Variants in RIN2 observed in about 807,000 individuals in gnomAD.
RIN2 encodes the protein RAB5 interacting protein 2.
In RIN2, 36 loss-of-function variants were observed where a neutral mutation model predicts 78.0. The observed-to-expected ratio is 0.46, with a 90% confidence interval of 0.35 to 0.61. RIN2 has a LOEUF of 0.61. Ranked by LOEUF, RIN2 falls within the 20% of genes least tolerant of loss-of-function variation. The pLI is 0.00. For missense variants in RIN2, 1,087 were observed against 1,159.7 expected, an observed-to-expected ratio of 0.94 and a Z score of 0.91; for synonymous variants, 466 against 466.8, an observed-to-expected ratio of 1.00 and a Z score of 0.02.
At chr20:19,929,651 C>G (rs1473099585) in intron 3 of RIN2, among the ~76,000 whole-genome samples, 1 of 152,146 alleles carries the variant, frequency 6.6e-6, no homozygotes, top group Non-Finnish European at 1.5e-5. Flanking sequence ...CATGAGCCAC[C>G]ACACTGGGCC....
chr20:19,854,959 A>C (rs531878878), intron 2 of RIN2, among the ~76,000 whole-genome samples: 23 of 152,264 alleles, frequency 1.5e-4, no homozygotes, highest in African/African-American at 5.3e-4. Context: ...GTCTTGTGCC[A>C]GTTTTCAAAG....
At chr20:19,877,069 A>G (rs2037880827) in intron 2 of RIN2, among the ~76,000 whole-genome samples, 1 of 152,148 alleles carries the variant, frequency 6.6e-6, no homozygotes, top group Non-Finnish European at 1.5e-5. Flanking sequence ...AAAAGCACTT[A>G]CAGCCTTCTG....
At chr20:19,985,875 C>G (rs1474328687) in intron 9 of RIN2, among the ~76,000 whole-genome samples, 1 of 152,194 alleles carries the variant, frequency 6.6e-6, no homozygotes, top group African/African-American at 2.4e-5. Flanking sequence ...AGTCCTGGCT[C>G]TCCCTCTTGA....
intron 2 of RIN2, among the ~76,000 whole-genome samples, chr20:19,851,737 G>C (rs1453798731): frequency 6.6e-6 from 1 of 152,130 alleles, no homozygotes; most frequent in African/African-American, 2.4e-5. Context: ...GCTCCCAAGA[G>C]CTCTAGCGGG....
intron 2 of RIN2, among the ~76,000 whole-genome samples, chr20:19,801,967 A>G (rs1449844859): frequency 6.6e-6 from 1 of 152,224 alleles, no homozygotes; most frequent in Non-Finnish European, 1.5e-5. Context: ...AATAACTTCA[A>G]TAAAATGCAG....
At chr20:19,814,056 C>T (rs4814902) in intron 2 of RIN2, among the ~76,000 whole-genome samples, 42,756 of 152,060 alleles carry the variant, frequency 0.28, 6,131 homozygotes, top group South Asian at 0.39. Context: ...AGTCGTATCA[C>T]GTGCAAGAAA....
At chr20:19,832,576 G>T (rs1012302234) in intron 2 of RIN2, among the ~76,000 whole-genome samples, 1 of 151,694 alleles carries the variant, frequency 6.6e-6, no homozygotes, top group African/African-American at 2.4e-5. Context: ...TCACCCCGGG[G>T]CCAGGTACCA....
At chr20:19,930,696 C>T (rs6132247) in intron 3 of RIN2, among the ~76,000 whole-genome samples, 102,443 of 152,008 alleles carry the variant, frequency 0.67, 36,748 homozygotes, top group East Asian at 0.98. Context: ...GCCACAGCCA[C>T]GGTCCAGAAT....
At chr20:19,936,962 T>C (rs1266462343) in intron 4 of RIN2, among the ~76,000 whole-genome samples, 1 of 152,240 alleles carries the variant, frequency 6.6e-6, no homozygotes, top group Non-Finnish European at 1.5e-5. Context: ...ACTGTTCATA[T>C]TAAACTACTG....
At chr20:19,993,370 T>C (rs1451080314) in intron 11 of RIN2, among the ~76,000 whole-genome samples, 1 of 151,910 alleles carries the variant, frequency 6.6e-6, no homozygotes, top group Non-Finnish European at 1.5e-5. Context: ...GCATTTTCCC[T>C]GGAGGGAATG....
intron 2 of RIN2, among the ~76,000 whole-genome samples, chr20:19,853,088 T>C (rs2037044164): frequency 7.0e-6 from 1 of 142,322 alleles, no homozygotes; most frequent in Non-Finnish European, 1.5e-5. Context: ...TGTGTCCATG[T>C]GTTCTCATTG....
At chr20:19,911,942 G>A (rs2039488822) in intron 3 of RIN2, among the ~76,000 whole-genome samples, 1 of 149,822 alleles carries the variant, frequency 6.7e-6, no homozygotes, top group Non-Finnish European at 1.5e-5. Flanking sequence ...GCCAGCCATG[G>A]CTATGGGTCC....
chr20:19,893,635 T>A (rs183720853), intron 3 of RIN2, among the ~76,000 whole-genome samples: 121 of 152,308 alleles, frequency 7.9e-4, no homozygotes, highest in Non-Finnish European at 1.4e-3. Flanking sequence ...ATCACTGAGA[T>A]GCCCTGTGGT....
intron 3 of RIN2, among the ~76,000 whole-genome samples, chr20:19,930,100 G>T (rs998582617): frequency 6.6e-6 from 1 of 151,992 alleles, no homozygotes; most frequent in East Asian, 1.9e-4. Flanking sequence ...GCTGGGGCTG[G>T]GGGGGATGCG....
At chr20:19,783,908 C>A (rs1023983301) in intron 1 of RIN2, among the ~76,000 whole-genome samples, 1 of 152,124 alleles carries the variant, frequency 6.6e-6, no homozygotes, top group African/African-American at 2.4e-5. Context: ...GCCAGAGGAA[C>A]CCTCAGGCAA....
At chr20:19,996,909 A>G (rs2042986637) in intron 12 of RIN2, 67 bp downstream of exon 12, 1 of 1,462,490 alleles carries the variant, frequency 6.8e-7, no homozygotes, top group South Asian at 1.4e-5. Flanking sequence ...CACCCAGCAC[A>G]TCCCAGCTCA....
At chr20:19,761,546 T>C (rs566426794) in intron 1 of RIN2, among the ~76,000 whole-genome samples, 1 of 152,328 alleles carries the variant, frequency 6.6e-6, no homozygotes, top group African/African-American at 2.4e-5. Context: ...CTGGATCCAG[T>C]GTTCCAAGGA....
intron 2 of RIN2, among the ~76,000 whole-genome samples, chr20:19,861,478 A>C (rs2123282051): frequency 6.6e-6 from 1 of 152,306 alleles, no homozygotes; most frequent in African/African-American, 2.4e-5. Flanking sequence ...AAGTAGGTTG[A>C]GCAAGAACGC....
chr20:19,820,325 A>G (rs1884767), intron 2 of RIN2, among the ~76,000 whole-genome samples: 52,957 of 152,104 alleles, frequency 0.35, 10,553 homozygotes, highest in African/African-American at 0.56. Flanking sequence ...CAGTTTTAAG[A>G]GACTCCATCG....
Sources: gnomAD v4.1 joint callset for allele counts (sites outside exome capture counted in the v4.1 genomes callset) on GRCh38, gnomAD v4.1.1 for gene constraint, MANE v1.5 for transcripts, NCBI Gene and HGNC (gene_info 2026-07-23, HGNC 2026-07-21) for gene names.